Variants in USP15 observed in about 807,000 individuals in gnomAD.
The protein encoded by USP15 is ubiquitin carboxyl-terminal hydrolase 15.
In USP15, 18 loss-of-function variants were observed where a neutral mutation model predicts 127.1. The observed-to-expected ratio is 0.14, with a 90% CI of 0.10 to 0.21. The LOEUF (loss-of-function observed/expected upper bound fraction) is 0.21. Among genes scored for constraint, USP15 ranks in the 10% least tolerant of loss-of-function variants. The pLI, the probability that USP15 is intolerant of heterozygous loss-of-function variation, is 1.00. For missense variants in USP15, 805 were observed against 1,159.9 expected (o/e 0.69, Z 4.44); for synonymous variants, 364 against 393.7 (o/e 0.92, Z 0.89).
intron 8 of USP15, among the ~76,000 whole-genome samples, chr12:62,356,270 C>T (rs898268042): frequency 6.6e-6 from 1 of 151,620 alleles, no homozygotes; most frequent in African/African-American, 2.4e-5. Context: ...GTTCTCTATT[C>T]TTATTTTTTT....
chr12:62,316,352 A>G (rs1057449704), intron 4 of USP15, among the ~76,000 whole-genome samples: 1 of 151,714 alleles, frequency 6.6e-6, no homozygotes, highest in Non-Finnish European at 1.5e-5. Flanking sequence ...GGAATTTCAT[A>G]TGTAAGTTTT....
chr12:62,404,045 G>T (rs971576984), intron 21 of USP15, 148 bp from the exon 22 acceptor site: 1 of 989,884 alleles, frequency 1.0e-6, no homozygotes, highest in Non-Finnish European at 1.4e-6. Context: ...TATATTTAAT[G>T]AATTTTAGTA....
chr12:62,377,152 T>G (rs1222925743), intron 8 of USP15, among the ~76,000 whole-genome samples: 1 of 152,138 alleles, frequency 6.6e-6, no homozygotes, highest in Non-Finnish European at 1.5e-5. Flanking sequence ...CAGGGTAAAT[T>G]AGGTATCCAT....
At position 62,381,539 on chromosome 12, in the gene USP15, A is replaced by G. The variant is rs1253659467; in HGVS notation, c.965A>G (p.Tyr322Cys). The change falls in exon 9 of 22, where the codon TAT becomes TGT. Residue 322 changes from tyrosine (Y) to cysteine (C), a missense_variant. By Grantham distance (194) the Tyr-to-Cys change is radical. Transcript: ENST00000280377. The stretch of plus-strand genomic sequence containing the variant: ...ACTGAGTATTTCCTCAATGATAAGT[A>G]TCAAGAAGAACTGAATTTTGACAAT... ...PLTEYFLNDK[Y>C]QEELNFDNPL... 1 of 1,613,046 alleles carries G rather than the reference A, an allele frequency of 6.2e-7. No homozygotes were observed. Among genetic ancestry groups the G allele is most frequent in the South Asian group, 1.1e-5 (1 of 91,006 alleles).
At chr12:62,382,794 A>C (rs1031989114) in intron 9 of USP15, among the ~76,000 whole-genome samples, 2 of 151,908 alleles carry the variant, frequency 1.3e-5, no homozygotes, top group African/African-American at 4.8e-5. Context: ...ACTAAGTGAG[A>C]GCCTAGAGTA....
At chr12:62,278,048 A>T (rs2063542011) in intron 1 of USP15, among the ~76,000 whole-genome samples, 1 of 152,184 alleles carries the variant, frequency 6.6e-6, no homozygotes. Flanking sequence ...TATTTTCTTC[A>T]TATCCTTATT....
chr12:62,306,733 G>T (rs556434009), intron 3 of USP15, among the ~76,000 whole-genome samples: 1 of 152,066 alleles, frequency 6.6e-6, no homozygotes, highest in African/African-American at 2.4e-5. Flanking sequence ...CCTCCAGATG[G>T]CAAACGGTGC....
At chr12:62,287,130 A>C (rs2063811672) in intron 1 of USP15, among the ~76,000 whole-genome samples, 1 of 152,042 alleles carries the variant, frequency 6.6e-6, no homozygotes, top group African/African-American at 2.4e-5. Context: ...GTATACACGA[A>C]CACAAAATTG....
Position 62,390,840 on chromosome 12 carries a change from GTTTGA to G in USP15, c.1845-20_1845-16del. On this transcript the variant is annotated intron_variant, in intron 14 of 21. Transcript: ENST00000280377. ...TTTTTATCTTTGTAGTACTGAACTT[GTTTGA>G]TTTTTGATTTTACTTAAGCCGATAT... 6.4e-7 allele frequency: 1 copy of G among 1,558,428 alleles called. No homozygotes were observed. The highest frequency in any genetic ancestry group is 8.8e-7 in the Non-Finnish European group (1 of 1,136,204).
intron 1 of USP15, among the ~76,000 whole-genome samples, chr12:62,283,881 G>T (rs2063722204): frequency 6.6e-6 from 1 of 152,188 alleles, no homozygotes; most frequent in South Asian, 2.1e-4. Context: ...AGTGGAGGTT[G>T]CAGTAAGCCA....
chr12:62,311,635 G>A (rs1565843207), intron 3 of USP15, among the ~76,000 whole-genome samples: 1 of 151,626 alleles, frequency 6.6e-6, no homozygotes, highest in Non-Finnish European at 1.5e-5. Context: ...ACTAGATCTA[G>A]GCATTGGCTT....
At chr12:62,270,131 G>A (rs2063314285) in intron 1 of USP15, among the ~76,000 whole-genome samples, 1 of 151,972 alleles carries the variant, frequency 6.6e-6, no homozygotes, top group African/African-American at 2.4e-5. Context: ...AGGTAATGAT[G>A]TTGAGTATCT....
At chr12:62,375,662 T>A (rs537419869) in intron 8 of USP15, among the ~76,000 whole-genome samples, 3 of 152,292 alleles carry the variant, frequency 2.0e-5, no homozygotes, top group South Asian at 2.1e-4. Context: ...TAGGAATTTC[T>A]TATAGGGGAT....
intron 6 of USP15, among the ~76,000 whole-genome samples, chr12:62,334,842 G>GT (rs1162655740): frequency 6.6e-6 from 1 of 152,198 alleles, no homozygotes; most frequent in Non-Finnish European, 1.5e-5. Context: ...AGTGTTAAAT[G>GT]TTTAGTTGAC....
chr12:62,270,714 A>G (rs1334036973), intron 1 of USP15, among the ~76,000 whole-genome samples: 1 of 152,106 alleles, frequency 6.6e-6, no homozygotes, highest in Admixed American at 6.6e-5. Flanking sequence ...TTTGATTGAC[A>G]TATACCAGTA....
intron 1 of USP15, among the ~76,000 whole-genome samples, chr12:62,262,679 A>G (rs1019036952): frequency 1.1e-4 from 16 of 152,120 alleles, no homozygotes; most frequent in African/African-American, 3.6e-4. Flanking sequence ...GTGTGCGTGT[A>G]TAGCTGTATA....
At chr12:62,288,639 G>T (rs2063855756) in intron 1 of USP15, among the ~76,000 whole-genome samples, 1 of 152,006 alleles carries the variant, frequency 6.6e-6, no homozygotes, top group Non-Finnish European at 1.5e-5. Context: ...TACTGAATCG[G>T]AGTGTGTAAG....
At chr12:62,271,624 C>T (rs895848355) in intron 1 of USP15, among the ~76,000 whole-genome samples, 5 of 151,838 alleles carry the variant, frequency 3.3e-5, no homozygotes, top group Admixed American at 3.3e-4. Context: ...TTACACAGAG[C>T]TGAGAGAATT....
intron 6 of USP15, among the ~76,000 whole-genome samples, chr12:62,343,459 C>T (rs562326268): frequency 4.1e-4 from 63 of 152,276 alleles, no homozygotes; most frequent in African/African-American, 1.2e-3. Flanking sequence ...ACTGTAGTTA[C>T]GAGAAAAACT....
Sources: gnomAD v4.1 joint callset for allele counts (sites outside exome capture counted in the v4.1 genomes callset) on GRCh38, gnomAD v4.1.1 for gene constraint, MANE v1.5 for transcripts, NCBI Gene and HGNC (gene_info 2026-07-23, HGNC 2026-07-21) for gene names.